GRK4: variants seen among roughly 807,000 people sequenced by gnomAD.
GRK4 encodes the protein G protein-coupled receptor kinase 2-like.
A neutral mutation model predicts 77.9 loss-of-function variants in GRK4; 73 were observed. The ratio of observed to expected loss-of-function variants is 0.94; its 90% confidence interval spans 0.78 to 1.14. The LOEUF (loss-of-function observed/expected upper bound fraction) is 1.14, where lower values mean the gene tolerates loss of function less well. Among genes scored for constraint, GRK4 ranks in the 50% most tolerant of loss-of-function variants. GRK4 has a pLI of 0.00. For missense variants in GRK4, 729 were observed against 700.2 expected (o/e 1.04, Z -0.46); for synonymous variants, 257 against 254.4 (o/e 1.01, Z -0.10).
At chr4:3,026,927 C>T (rs1737745214) in intron 10 of GRK4, among the ~76,000 whole-genome samples, 1 of 152,240 alleles carries the variant, frequency 6.6e-6, no homozygotes, top group African/African-American at 2.4e-5. Flanking sequence ...TGAGCACCTA[C>T]TGTAGGCCAG....
chr4:2,988,270 A>G (rs760692644), intron 2 of GRK4, among the ~76,000 whole-genome samples: 4 of 152,040 alleles, frequency 2.6e-5, no homozygotes, highest in Non-Finnish European at 4.4e-5. Context: ...CCTAGTGGGT[A>G]TGAAGTATCT....
chr4:3,008,145 TA>T (rs1731861696), intron 6 of GRK4, among the ~76,000 whole-genome samples: 1 of 152,256 alleles, frequency 6.6e-6, no homozygotes, highest in Non-Finnish European at 1.5e-5. Context: ...ATGATATTTT[TA>T]TACAGAAATT....
intron 7 of GRK4, 47 bp from the exon 8 acceptor site, chr4:3,013,640 GA>G: frequency 6.4e-7 from 1 of 1,572,250 alleles, no homozygotes; most frequent in Non-Finnish European, 8.6e-7. Context: ...TGTGGCCTAA[GA>G]AATGCCAGGT....
chr4:3,007,897 G>A (rs1731775573), intron 6 of GRK4, 69 bp downstream of exon 6: 1 of 1,034,340 alleles, frequency 9.7e-7, no homozygotes, highest in Admixed American at 2.0e-5. Flanking sequence ...CAGCTACTCA[G>A]GAGGCTGAGG....
At chr4:3,014,925 C>T (rs910875512) in intron 8 of GRK4, among the ~76,000 whole-genome samples, 6 of 152,172 alleles carry the variant, frequency 3.9e-5, no homozygotes, top group African/African-American at 1.4e-4. Context: ...CCACGTCTGG[C>T]TGAGGATACC....
At chr4:2,986,040 A>G (rs1724256066) in intron 2 of GRK4, among the ~76,000 whole-genome samples, 1 of 151,612 alleles carries the variant, frequency 6.6e-6, no homozygotes, top group Non-Finnish European at 1.5e-5. Context: ...TAGAGCAATC[A>G]TAACTGTATT....
Position 3,007,824 on chromosome 4 carries a change from G to T in GRK4, c.532G>T (p.Glu178Ter), listed in dbSNP as rs750460440. 1 of 1,606,882 alleles carries T rather than the reference G, an allele frequency of 6.2e-7. No individual in the cohort carries two copies. Among genetic ancestry groups the T allele is most frequent in the Non-Finnish European group, 8.5e-7 (1 of 1,174,960 alleles). The change falls in exon 6 of 16, where the codon GAA (glutamate) becomes TAA (stop). Residue 178 changes from glutamate to a stop codon, truncating the protein, a stop_gained. Coordinates refer to ENST00000398052, the MANE Select transcript of GRK4 (RefSeq NM_182982.3). LOFTEE classifies it high-confidence loss of function. ...TCAGTTTTTACAATGGAAATGGCTG[G>T]AAAGGTATGTACTGATTTTAAACTT... ...FSQFLQWKWL[E>*]RQPVTKNTFR...
chr4:2,972,525 C>CG (rs375610930), intron 1 of GRK4, among the ~76,000 whole-genome samples: 2,131 of 149,512 alleles, frequency 0.014, 33 homozygotes, highest in African/African-American at 0.046. Context: ...CCCAAACCTG[C>CG]GGGGGGGGGC....
rs1742152803 is a variant in GRK4, at chr4:3,040,681, G to A, written c.*56G>A. ...TGGCGCCAGGAAGGAGCATGTGTTA[G>A]CGTCTCGTCCCACCTGGAATTGTAA... On this transcript the variant is annotated 3_prime_UTR_variant, in exon 16 of 16. Coordinates refer to ENST00000398052, the MANE Select transcript of GRK4 (RefSeq NM_182982.3). 12 of 1,443,312 alleles carry A rather than the reference G, an allele frequency of 8.3e-6. No individual in the cohort carries two copies. Among genetic ancestry groups the A allele is most frequent in the Non-Finnish European group, 1.2e-5 (12 of 1,036,114 alleles). The allele number at this position is 1,443,312 out of a possible 1,614,324, so 89.4% of individuals were successfully genotyped here.
chr4:3,001,397 G>A (rs1025632548), intron 4 of GRK4, among the ~76,000 whole-genome samples: 7 of 135,254 alleles, frequency 5.2e-5, no homozygotes, highest in South Asian at 2.3e-4. Context: ...ATGGAGTTTC[G>A]CTCTTGTAGC....
At chr4:3,017,444 G>C (rs1346261620) in intron 8 of GRK4, among the ~76,000 whole-genome samples, 1 of 152,174 alleles carries the variant, frequency 6.6e-6, no homozygotes, top group Non-Finnish European at 1.5e-5. Flanking sequence ...CTGCATCCCA[G>C]CTGCCCACAA....
At chr4:3,037,264 A>T in intron 13 of GRK4, 110 bp from the exon 14 acceptor site, 1 of 1,020,034 alleles carries the variant, frequency 9.8e-7, no homozygotes, top group South Asian at 1.8e-5. Context: ...GGAGACAGGG[A>T]GAGTGGCGGT....
chr4:2,964,148 C>T (rs769962087), intron 1 of GRK4, 26 bp downstream of exon 1: 104 of 748,030 alleles, frequency 1.4e-4, no homozygotes, highest in South Asian at 4.5e-4. Context: ...GCGCCCCCGA[C>T]CCCCCCCCCA....
chr4:2,989,036 G>A (rs1457380373), intron 3 of GRK4, among the ~76,000 whole-genome samples, 197 bp downstream of exon 3: 1 of 152,106 alleles, frequency 6.6e-6, no homozygotes, highest in East Asian at 1.9e-4. Flanking sequence ...CAAAAAGTTA[G>A]CCGGGCGTGG....
Position 3,007,749 on chromosome 4 carries a change from TA to T in GRK4, c.458del (p.Tyr153SerfsTer2), listed in dbSNP as rs759239851. The T allele has an allele frequency of 5.0e-6, 8 of 1,594,368 alleles. No homozygotes were observed. The Admixed American group carries it at 1.1e-4, about 22-fold the overall frequency. ...ATCTTTTTCTAGAGTTGCCCATAAC[TA>T]CCTAAGAGGGGAACCATTTGAAGAA... is the stretch of plus-strand genomic sequence containing the variant. ...FEECTRVAHN[Y>X]LRGEPFEEYQ... On this transcript the variant is annotated frameshift_variant, in exon 6 of 16. Transcript: ENST00000398052. LOFTEE classifies it high-confidence loss of function.
At chr4:2,989,158 G>A (rs987664932) in intron 3 of GRK4, among the ~76,000 whole-genome samples, 1 of 152,082 alleles carries the variant, frequency 6.6e-6, no homozygotes, top group African/African-American at 2.4e-5. Flanking sequence ...TCCAGCCTGG[G>A]CGACAGAGCA....
chr4:3,040,447 T>A (rs1054306809), intron 15 of GRK4, 125 bp from the exon 16 acceptor site: 9 of 646,906 alleles, frequency 1.4e-5, no homozygotes, highest in African/African-American at 3.7e-5. Context: ...TCTCAAAAAA[T>A]AAATAAATAA....
intron 13 of GRK4, among the ~76,000 whole-genome samples, chr4:3,036,114 C>T (rs1740566342): frequency 6.6e-6 from 1 of 152,266 alleles, no homozygotes; most frequent in Non-Finnish European, 1.5e-5. Flanking sequence ...AGCCACTACG[C>T]CTGGCCACCC....
intron 11 of GRK4, 42 bp downstream of exon 11, chr4:3,028,043 G>A (rs375125823): frequency 5.2e-6 from 8 of 1,552,996 alleles, no homozygotes; most frequent in African/African-American, 1.4e-5. Context: ...TTCTATCCGG[G>A]TGCCTGAGTG....
Sources: gnomAD v4.1 joint callset for allele counts (sites outside exome capture counted in the v4.1 genomes callset) on GRCh38, gnomAD v4.1.1 for gene constraint, MANE v1.5 for transcripts, NCBI Gene and HGNC (gene_info 2026-07-23, HGNC 2026-07-21) for gene names.